CA11: variants seen among roughly 807,000 people sequenced by gnomAD.
The protein encoded by CA11 is carbonic anhydrase 11 (inactive).
Under a neutral mutation model 39.3 loss-of-function variants are expected in CA11, and 20 were observed. That is an observed-to-expected ratio of 0.51 (90% CI 0.36 to 0.74). The LOEUF (loss-of-function observed/expected upper bound fraction) is 0.74. Among genes scored for constraint, CA11 ranks in the 30% least tolerant of loss-of-function variants. CA11 has a pLI of 0.00. For missense variants in CA11, 336 were observed against 424.6 expected (o/e 0.79, Z 1.83); for synonymous variants, 166 against 172.5 (o/e 0.96, Z 0.29).
At chr19:48,642,328 A>G (rs1334646157) in intron 3 of CA11, among the ~76,000 whole-genome samples, 1 of 152,024 alleles carries the variant, frequency 6.6e-6, no homozygotes, top group Non-Finnish European at 1.5e-5. Context: ...GTGAAACCCC[A>G]TCTCTACTAA....
chr19:48,644,782 G>A (rs990566053), intron 2 of CA11, among the ~76,000 whole-genome samples: 11 of 152,108 alleles, frequency 7.2e-5, no homozygotes. Context: ...GTTTAGCAGA[G>A]ACGGGTTTCA....
At chr19:48,640,736 G>C (rs1392582721) in intron 3 of CA11, among the ~76,000 whole-genome samples, 1 of 149,468 alleles carries the variant, frequency 6.7e-6, no homozygotes, top group Non-Finnish European at 1.5e-5. Flanking sequence ...GTGCAGTGGC[G>C]AGAGCTCCGC....
In CA11 at chr19:48,638,935, G is replaced by C; in HGVS notation, c.914C>G (p.Pro305Arg). ...AHRALRGNRD[P>R]RHPERRCRGP... is the part of the protein sequence containing the mutation. ...TCGGCAGCGCCTCTCGGGGTGCCGG[G>C]GGTCCCTGTTGCCCCTCAGTGCCCT... Residue 305 changes from proline (P) to arginine (R), a missense_variant, in exon 8 of 9, where the codon CCC becomes CGC. Pro to Arg is a moderately radical substitution (Grantham distance 103, BLOSUM62 -2). Transcript: ENST00000084798. The C allele has an allele frequency of 1.2e-6, 2 of 1,609,812 alleles. No homozygotes were observed. The highest frequency in any genetic ancestry group is 1.7e-6 in the Non-Finnish European group (2 of 1,178,668).
At chr19:48,644,646 G>T in intron 2 of CA11, 77 bp from the exon 3 acceptor site, 1 of 1,296,730 alleles carries the variant, frequency 7.7e-7, no homozygotes, top group Non-Finnish European at 1.0e-6. Context: ...CTGCTGAGTG[G>T]GCTGTGGTCT....
chr19:48,643,218 A>C lies in CA11; in HGVS notation c.285+1209T>G, dbSNP rs574370012. ...TTTCTCTCCCTCTCTCTCTGTATTTATTTCTTTCTGAGATGGAGTCTTGTT... is the reference window on the plus strand; with the variant it reads ...TTTCTCTCCCTCTCTCTCTGTATTTCTTTCTTTCTGAGATGGAGTCTTGTT... On this transcript the variant is annotated intron_variant, in intron 3 of 8. Coordinates refer to ENST00000084798, the MANE Select transcript of CA11 (RefSeq NM_001217.5). This position sits in a 1 kb window ranked among gnomAD's most constrained non-coding sequence, Gnocchi z 4.3. Among the ~76,000 whole-genome samples, 7 of 139,466 alleles carry C rather than the reference A, an allele frequency of 5.0e-5. No individual in the cohort carries two copies. Among genetic ancestry groups the C allele is most frequent in the Non-Finnish European group, 7.8e-5 (5 of 64,106 alleles). 91.5% of individuals were successfully genotyped at this position (139,466 alleles called of 152,430 possible).
At position 48,640,273 on chromosome 19, in the gene CA11, C is replaced by A. The variant is rs771241038; in HGVS notation, c.293G>T (p.Gly98Val). ...ATGTCGGCCGGTGTTGTACAAGGTT[C>A]CCCGGAGCTGTGGGAGAGGCGGGAG... is the stretch of plus-strand genomic sequence containing the variant. ...RLSTGGEKLR[G>V]TLYNTGRHVS... is the part of the protein sequence containing the mutation. The change falls in exon 4 of 9, where the codon GGA becomes GTA. Residue 98 changes from glycine to valine, a missense_variant. Physicochemically the swap from Gly to Val is moderately radical, Grantham distance 109 (BLOSUM62 -3). Transcript: ENST00000084798. 6.2e-7 allele frequency: 1 copy of A among 1,613,460 alleles called. No homozygotes were observed.
In CA11 at chr19:48,639,812, C is replaced by T. The variant is rs1359713902; in HGVS notation, c.543G>A (p.Leu181=). Reference sequence around the variant, plus strand: ...CGTTGACAAAGAGGCTGAGAATGGCCAGGCCATTGGGGCCGCGGGAGGCAG... The same window carrying T: ...CGTTGACAAAGAGGCTGAGAATGGCTAGGCCATTGGGGCCGCGGGAGGCAG... ...FSAASRGPNG[L]AILSLFVNVA... Residue 181 remains leucine (L), a synonymous_variant, in exon 5 of 9, where the codon CTG becomes CTA. Coordinates refer to ENST00000084798, the MANE Select transcript of CA11 (RefSeq NM_001217.5). 1 of 1,614,166 alleles carries T rather than the reference C, an allele frequency of 6.2e-7. No individual in the cohort carries two copies.
chr19:48,644,209 T>G (rs961986433), intron 3 of CA11, among the ~76,000 whole-genome samples: 5 of 152,180 alleles, frequency 3.3e-5, no homozygotes, highest in Admixed American at 3.3e-4. Flanking sequence ...GGAAATGTTC[T>G]GCTTTTCATT....
intron 5 of CA11, 56 bp from the exon 6 acceptor site, chr19:48,639,677 T>G: frequency 6.2e-7 from 1 of 1,601,056 alleles, no homozygotes; most frequent in Non-Finnish European, 8.6e-7. Context: ...GCCCTCAACC[T>G]TCTCCTCCCC....
chr19:48,639,920 AG>A (rs769166802), intron 4 of CA11, 37 bp from the exon 5 acceptor site: 1 of 1,584,988 alleles, frequency 6.3e-7, no homozygotes, highest in East Asian at 2.2e-5. Context: ...CCCCAGCAGA[AG>A]GGGAGGAGAG....
intron 8 of CA11, chr19:48,638,387 GTGT>G (rs1188873508): frequency 3.2e-6 from 1 of 316,300 alleles, no homozygotes; most frequent in South Asian, 1.2e-4. Context: ...GGGGGGGGGG[GTGT>G]GGACTGTACC....
chr19:48,642,759 G>T (rs2031128376), intron 3 of CA11, among the ~76,000 whole-genome samples: 1 of 152,136 alleles, frequency 6.6e-6, no homozygotes, highest in Non-Finnish European at 1.5e-5. Context: ...GTGCCTACAT[G>T]AGACTGGGGG....
intron 8 of CA11, 96 bp from the exon 9 acceptor site, chr19:48,638,240 C>A: frequency 8.3e-7 from 1 of 1,202,170 alleles, no homozygotes; most frequent in Non-Finnish European, 1.0e-6. Flanking sequence ...TGGGCCCTAC[C>A]GTCGGAAGTC....
In CA11 at chr19:48,645,576, C is replaced by G; in HGVS notation, c.57G>C (p.Leu19=). The G allele has an allele frequency of 6.2e-7, 1 of 1,605,006 alleles. No homozygotes were observed. ...AACCCCAGGTCTTACCTGCTGCCCCCAGTGCAGCCCAGAGTACCAGCGCTC... is the reference window on the plus strand; with the variant it reads ...AACCCCAGGTCTTACCTGCTGCCCCGAGTGCAGCCCAGAGTACCAGCGCTC... ...APRALVLWAA[L]GAAAHIGPAP... is the part of the protein sequence containing the mutation. Residue 19 remains leucine, a synonymous_variant, in exon 1 of 9, where the codon CTG becomes CTC. Coordinates refer to ENST00000084798, the MANE Select transcript of CA11 (RefSeq NM_001217.5).
chr19:48,645,872 AC>A lies in CA11; in HGVS notation c.-241del, dbSNP rs1338387435. On this transcript the variant is annotated 5_prime_UTR_variant, in exon 1 of 9. Transcript: ENST00000084798. The stretch of plus-strand genomic sequence containing the variant: ...CTCTTTCCTCTGCTCTTTTCCCGGA[AC>A]CCTCCAGTCTCCCTCTAGCTCCTGA... 2 of 493,932 alleles carry A rather than the reference AC, an allele frequency of 4.0e-6. No homozygotes were observed. Among genetic ancestry groups the A allele is most frequent in the South Asian group, 3.4e-5 (1 of 29,538 alleles). 30.6% of individuals were successfully genotyped at this position (493,932 alleles called of 1,614,324 possible).
At chr19:48,639,087 A>G (rs755187220) in intron 7 of CA11, 34 bp from the exon 8 acceptor site, 18 of 1,612,172 alleles carry the variant, frequency 1.1e-5, no homozygotes, top group Admixed American at 3.3e-5. Context: ...ACTGGGAGTG[A>G]ATAGTGAATG....
intron 2 of CA11, among the ~76,000 whole-genome samples, chr19:48,644,855 A>C (rs975567340): frequency 6.6e-6 from 1 of 151,992 alleles, no homozygotes; most frequent in Non-Finnish European, 1.5e-5. Context: ...TCGGCCTCCT[A>C]AAGTGCTGGG....
In CA11 at chr19:48,640,367, CTTTTTTTTTTTT is replaced by C. The variant is rs11372081; in HGVS notation, c.286-99_286-88del. ...GCCTACATTTTCTGATTCCAACAGT[CTTTTTTTTTTTT>C]TTTTTTTTTTTTGAAACGGAGTCTC... On this transcript the variant is annotated intron_variant, in intron 3 of 8. Transcript: ENST00000084798. 408 of 324,778 alleles carry C rather than the reference CTTTTTTTTTTTT, an allele frequency of 1.3e-3. 1 individual carries two copies. Among genetic ancestry groups the C allele is most frequent in the South Asian group, 8.9e-3 (331 of 37,362 alleles). 20.1% of individuals were successfully genotyped at this position (324,778 alleles called of 1,614,324 possible).
At chr19:48,639,209 G>T in intron 7 of CA11, 96 bp downstream of exon 7, 1 of 1,547,902 alleles carries the variant, frequency 6.5e-7, no homozygotes, top group South Asian at 1.2e-5. Context: ...CTTGAGTTCA[G>T]TCTATGAGGA....
Sources: gnomAD v4.1 joint callset for allele counts (sites outside exome capture counted in the v4.1 genomes callset) on GRCh38, gnomAD v4.1.1 for gene constraint, Gnocchi (gnomAD v3.1) non-coding constraint, MANE v1.5 for transcripts, NCBI Gene and HGNC (gene_info 2026-07-23, HGNC 2026-07-21) for gene names.